Variants in GREB1L observed in about 807,000 individuals in gnomAD.
The protein encoded by GREB1L is GREB1 like retinoic acid receptor coactivator.
Under a neutral mutation model 200.8 loss-of-function variants are expected in GREB1L, and 17 were observed. That is an observed-to-expected ratio of 0.08 (90% CI 0.06 to 0.13). GREB1L has a LOEUF of 0.13. Ranked by LOEUF, GREB1L falls within the 10% of genes least tolerant of loss-of-function variation. GREB1L has a pLI of 1.00. For missense variants in GREB1L, 1,657 were observed against 2,367.7 expected (o/e 0.70, Z 6.23); for synonymous variants, 789 against 893.0 (o/e 0.88, Z 2.08).
intron 6 of GREB1L, among the ~76,000 whole-genome samples, chr18:21,402,124 G>A (rs1235654293): frequency 2.0e-5 from 3 of 152,070 alleles, no homozygotes; most frequent in Non-Finnish European, 4.4e-5. Context: ...GTATAATTCC[G>A]AGACAGGTAT....
chr18:21,484,475 C>T (rs577962289), intron 17 of GREB1L, among the ~76,000 whole-genome samples: 1 of 152,210 alleles, frequency 6.6e-6, no homozygotes, highest in East Asian at 1.9e-4. Flanking sequence ...TGCCTTATTT[C>T]CTTTATGAGT....
intron 1 of GREB1L, among the ~76,000 whole-genome samples, chr18:21,299,594 C>G (rs1406004015): frequency 2.0e-5 from 3 of 150,754 alleles, no homozygotes; most frequent in Non-Finnish European, 4.4e-5. Context: ...GGAAGGTAAT[C>G]CCTGGCTGTG....
intron 7 of GREB1L, among the ~76,000 whole-genome samples, chr18:21,415,554 G>A (rs568457361): frequency 4.6e-5 from 7 of 152,090 alleles, no homozygotes; most frequent in Admixed American, 4.6e-4. Context: ...AGCGAGGGGA[G>A]GGAGAATGGG....
intron 1 of GREB1L, among the ~76,000 whole-genome samples, chr18:21,359,987 G>C (rs2039559546): frequency 6.6e-6 from 1 of 152,132 alleles, no homozygotes; most frequent in Non-Finnish European, 1.5e-5. Context: ...TCTGGAATTT[G>C]TGGTATTTAG....
At chr18:21,251,639 A>G (rs1282318652) in intron 1 of GREB1L, among the ~76,000 whole-genome samples, 1 of 152,220 alleles carries the variant, frequency 6.6e-6, no homozygotes, top group Non-Finnish European at 1.5e-5. Context: ...AATCTGTACC[A>G]TATGCAAATA....
intron 1 of GREB1L, among the ~76,000 whole-genome samples, chr18:21,305,452 T>C (rs975395314): frequency 1.3e-5 from 2 of 152,204 alleles, no homozygotes; most frequent in African/African-American, 4.8e-5. Context: ...CTACCTGCTC[T>C]TTTTATTTTT....
chr18:21,243,329 C>T (rs774268716), intron 1 of GREB1L, among the ~76,000 whole-genome samples: 1 of 152,182 alleles, frequency 6.6e-6, no homozygotes, highest in Non-Finnish European at 1.5e-5. Flanking sequence ...TGCCTCTAAC[C>T]GAGGCTGCGG....
At chr18:21,388,533 CTTTTTTTT>C (rs768141691) in intron 4 of GREB1L, among the ~76,000 whole-genome samples, 2 of 74,682 alleles carry the variant, frequency 2.7e-5, no homozygotes, top group Middle Eastern at 0.022. Context: ...CCTTAGGTTC[CTTTTTTTT>C]TTTTTTTTTT....
At chr18:21,347,526 G>T (rs2039366100) in intron 1 of GREB1L, among the ~76,000 whole-genome samples, 1 of 151,440 alleles carries the variant, frequency 6.6e-6, no homozygotes, top group Non-Finnish European at 1.5e-5. Context: ...TGAGATCTCA[G>T]CTCACTGCAG....
At chr18:21,357,208 C>A (rs529389604) in intron 1 of GREB1L, among the ~76,000 whole-genome samples, 1 of 152,280 alleles carries the variant, frequency 6.6e-6, no homozygotes, top group East Asian at 1.9e-4. Flanking sequence ...GTGCATACCA[C>A]GACGTCTGGT....
At chr18:21,314,298 T>C (rs1282827020) in intron 1 of GREB1L, among the ~76,000 whole-genome samples, 1 of 152,144 alleles carries the variant, frequency 6.6e-6, no homozygotes, top group African/African-American at 2.4e-5. Flanking sequence ...TGGAAGATAG[T>C]TTAGGATATA....
At chr18:21,471,701 A>C (rs114094526) in intron 15 of GREB1L, among the ~76,000 whole-genome samples, 3,411 of 146,656 alleles carry the variant, frequency 0.023, 138 homozygotes, top group African/African-American at 0.085. Context: ...GGCACACCGC[A>C]ACCTCGGCCT....
chr18:21,516,861 G>T, intron 30 of GREB1L, 107 bp downstream of exon 30: 99 of 786,244 alleles, frequency 1.3e-4, no homozygotes, highest in Middle Eastern at 2.6e-4. Context: ...TTAGAAAAGT[G>T]AAATAACACA....
chr18:21,405,138 G>T (rs2030025894), intron 7 of GREB1L, among the ~76,000 whole-genome samples: 1 of 152,196 alleles, frequency 6.6e-6, no homozygotes, highest in Non-Finnish European at 1.5e-5. Context: ...CTTTTAAATT[G>T]CACGGGAGAT....
chr18:21,390,322 C>G (rs2040743786), intron 4 of GREB1L, among the ~76,000 whole-genome samples: 1 of 151,958 alleles, frequency 6.6e-6, no homozygotes, highest in Non-Finnish European at 1.5e-5. Context: ...TGTAAAACAG[C>G]CTCAGGCAGG....
At position 21,428,389 on chromosome 18, in the gene GREB1L, T is replaced by G. The variant is rs1190340207; in HGVS notation, c.833-11132T>G. Among the ~76,000 whole-genome samples, 15 of 143,920 alleles carry G rather than the reference T, an allele frequency of 1.0e-4. No homozygotes were observed. The East Asian group carries it at 1.6e-3, about 16-fold the overall frequency. 94.4% of individuals were successfully genotyped at this position (143,920 alleles called of 152,430 possible). On this transcript the variant is annotated intron_variant, in intron 7 of 32. Coordinates refer to ENST00000424526, the MANE Select transcript of GREB1L (RefSeq NM_001142966.3). ...CTTGTGTTGAAACTGGAAGTAGTGG[T>G]TTTTTTTGTAGATGCTTTTTATCAA...
At position 21,444,549 on chromosome 18, in the gene GREB1L, A is replaced by G. The variant is rs1459213666; in HGVS notation, c.1393+140A>G. ...TCTAATGTTCTTTCCCTTCAACCCC[A>G]TTCTCTGTAACTTTTCCCTTTCCTC... is the stretch of plus-strand genomic sequence containing the variant. On this transcript the variant is annotated intron_variant, in intron 11 of 32. Coordinates refer to ENST00000424526, the MANE Select transcript of GREB1L (RefSeq NM_001142966.3). 1.8e-5 allele frequency: 13 copies of G among 704,236 alleles called. No homozygotes were observed. In the East Asian group the frequency reaches 2.2e-4, roughly 12 times the overall value. 43.6% of individuals were successfully genotyped at this position (704,236 alleles called of 1,614,324 possible).
chr18:21,311,694 G>A (rs564911729), intron 1 of GREB1L, among the ~76,000 whole-genome samples: 1 of 152,140 alleles, frequency 6.6e-6, no homozygotes, highest in Non-Finnish European at 1.5e-5. Context: ...TGGTGCAATC[G>A]AATATAACCT....
intron 15 of GREB1L, among the ~76,000 whole-genome samples, chr18:21,461,591 T>G (rs200570361): frequency 9.9e-5 from 15 of 152,194 alleles, no homozygotes; most frequent in Non-Finnish European, 1.5e-4. Flanking sequence ...TTCATTAGAT[T>G]CCTTCTGGTT....
Sources: gnomAD v4.1 joint callset for allele counts (sites outside exome capture counted in the v4.1 genomes callset) on GRCh38, gnomAD v4.1.1 for gene constraint, MANE v1.5 for transcripts, NCBI Gene and HGNC (gene_info 2026-07-23, HGNC 2026-07-21) for gene names.